The following EPB41L4A variants were observed in gnomAD, a reference collection of about 807,000 sequenced individuals.
EPB41L4A encodes the protein band 4.1-like protein 4A.
EPB41L4A carries 100 observed loss-of-function variants against 108.6 expected under a neutral mutation model. The ratio of observed to expected loss-of-function variants is 0.92; its 90% CI spans 0.78 to 1.09. EPB41L4A has a LOEUF of 1.09. EPB41L4A is among the 50% of genes least tolerant of loss of function. The probability of loss-of-function intolerance (pLI) is 0.00; values close to 1 mark genes in which losing one functional copy is unlikely to be tolerated. For synonymous variants in EPB41L4A, 319 were observed against 289.0 expected, an observed-to-expected ratio of 1.10 and a Z score of -1.05; for missense variants, 1,030 against 842.7, an observed-to-expected ratio of 1.22 and a Z score of -2.75.
At chr5:112,187,398 C>T (rs929866231) in intron 17 of EPB41L4A, among the ~76,000 whole-genome samples, 7 of 152,162 alleles carry the variant, frequency 4.6e-5, no homozygotes, top group African/African-American at 1.7e-4. Flanking sequence ...GAGAGGGTTG[C>T]TTTAGAATAC....
At chr5:112,259,791 G>T in intron 8 of EPB41L4A, 100 bp downstream of exon 8, 1 of 836,030 alleles carries the variant, frequency 1.2e-6, no homozygotes, top group Non-Finnish European at 2.0e-6. Context: ...ATCACCCACT[G>T]GAAATATACC....
At chr5:112,268,592 G>GT (rs1489779560) in intron 4 of EPB41L4A, among the ~76,000 whole-genome samples, 1 of 151,992 alleles carries the variant, frequency 6.6e-6, no homozygotes, top group Non-Finnish European at 1.5e-5. Context: ...GTTCACACCT[G>GT]TAACCCCAGT....
At chr5:112,266,640 G>A (rs900193356) in intron 4 of EPB41L4A, among the ~76,000 whole-genome samples, 1 of 152,172 alleles carries the variant, frequency 6.6e-6, no homozygotes, top group Non-Finnish European at 1.5e-5. Flanking sequence ...CTCCCCACCT[G>A]CAAAACTGGA....
At chr5:112,274,185 C>A (rs1030350159) in intron 4 of EPB41L4A, among the ~76,000 whole-genome samples, 1 of 151,822 alleles carries the variant, frequency 6.6e-6, no homozygotes, top group African/African-American at 2.4e-5. Context: ...GAGGCTGAGG[C>A]GGGAGGATTC....
intron 1 of EPB41L4A, among the ~76,000 whole-genome samples, chr5:112,381,285 T>C (rs1760161003): frequency 6.6e-6 from 1 of 152,242 alleles, no homozygotes; most frequent in Non-Finnish European, 1.5e-5. Context: ...CTGTGATAGA[T>C]CACTCTGTAA....
intron 1 of EPB41L4A, among the ~76,000 whole-genome samples, chr5:112,344,599 G>A (rs1454270827): frequency 6.6e-6 from 1 of 152,222 alleles, no homozygotes; most frequent in African/African-American, 2.4e-5. Flanking sequence ...CTGTTTACGA[G>A]ATTATCCTAG....
chr5:112,169,258 T>C (rs1416704632), intron 20 of EPB41L4A, among the ~76,000 whole-genome samples, 153 bp from the exon 21 acceptor site: 1 of 152,146 alleles, frequency 6.6e-6, no homozygotes, highest in South Asian at 2.1e-4. Flanking sequence ...GTGACTTAAA[T>C]TTCACAAGAA....
intron 19 of EPB41L4A, 144 bp from the exon 20 acceptor site, chr5:112,170,513 C>G: frequency 6.5e-6 from 4 of 613,692 alleles, no homozygotes; most frequent in East Asian, 2.9e-5. Context: ...AAAAACTAAA[C>G]GTGTTCAAGG....
At chr5:112,261,456 T>C (rs1307576379) in intron 7 of EPB41L4A, among the ~76,000 whole-genome samples, 3 of 152,224 alleles carry the variant, frequency 2.0e-5, no homozygotes, top group Non-Finnish European at 4.4e-5. Flanking sequence ...CTATAAAGAA[T>C]AAAGTACCTG....
rs117760550 is a variant in EPB41L4A at position 112,242,639 on chromosome 5, G to A, written c.796-1829C>T. Among the ~76,000 whole-genome samples the A allele has an allele frequency of 2.2e-3, 329 of 152,286 alleles. 17 individuals are homozygous for A. In the East Asian group the frequency reaches 0.06, roughly 28 times the overall value. On this transcript the variant is annotated intron_variant, in intron 9 of 22. Coordinates refer to ENST00000261486, the MANE Select transcript of EPB41L4A (RefSeq NM_022140.5). ...CATCCAGAATGGTGAATATTTTCCA[G>A]AAGTTTTTCACTTTGTTTGTCCAGA...
intron 1 of EPB41L4A, among the ~76,000 whole-genome samples, chr5:112,342,139 G>C (rs1757360418): frequency 6.6e-6 from 1 of 152,086 alleles, no homozygotes; most frequent in Non-Finnish European, 1.5e-5. Flanking sequence ...TTATAAAAAA[G>C]AAGTTAACAA....
intron 1 of EPB41L4A, among the ~76,000 whole-genome samples, chr5:112,386,188 T>C (rs1327518335): frequency 6.6e-6 from 1 of 152,204 alleles, no homozygotes; most frequent in Non-Finnish European, 1.5e-5. Flanking sequence ...CTGAGGGGCA[T>C]CATATGCTGA....
At chr5:112,357,464 T>C (rs755691626) in intron 1 of EPB41L4A, among the ~76,000 whole-genome samples, 15 of 152,216 alleles carry the variant, frequency 9.9e-5, no homozygotes, top group Middle Eastern at 3.2e-3. Context: ...CACCTACTCC[T>C]AGCATACAAC....
chr5:112,337,440 T>A (rs888882996), intron 1 of EPB41L4A, among the ~76,000 whole-genome samples: 1 of 152,210 alleles, frequency 6.6e-6, no homozygotes, highest in Non-Finnish European at 1.5e-5. Context: ...TAACATTTAT[T>A]GAACACTTAA....
chr5:112,298,580 G>C (rs1300998833), intron 2 of EPB41L4A, among the ~76,000 whole-genome samples: 3 of 152,092 alleles, frequency 2.0e-5, no homozygotes, highest in Admixed American at 1.3e-4. Flanking sequence ...TGTTGGATTT[G>C]GTTAGCGAGT....
At chr5:112,400,600 C>T (rs1761684272) in intron 1 of EPB41L4A, among the ~76,000 whole-genome samples, 1 of 152,100 alleles carries the variant, frequency 6.6e-6, no homozygotes, top group African/African-American at 2.4e-5. Flanking sequence ...CTTGCAAGAA[C>T]TCATTCACTA....
At position 112,209,511 on chromosome 5, in the gene EPB41L4A, A is replaced by T. The variant is rs1481025563; in HGVS notation, c.1178+381T>A. ...TCTTTCCAGGGCTACAGTTCAGTGC[A>T]CCACTATAATGAACACAGTACATTA... On this transcript the variant is annotated intron_variant, in intron 13 of 22. Transcript: ENST00000261486. Among the ~76,000 whole-genome samples the T allele has an allele frequency of 2.6e-5, 4 of 152,340 alleles. No individual in the cohort carries two copies. In the South Asian group the frequency reaches 8.3e-4, roughly 32 times the overall value.
chr5:112,356,866 T>A (rs1758392920), intron 1 of EPB41L4A, among the ~76,000 whole-genome samples: 1 of 152,158 alleles, frequency 6.6e-6, no homozygotes, highest in South Asian at 2.1e-4. Flanking sequence ...AAATATCACC[T>A]CCAAAGTGAC....
At chr5:112,400,648 C>G (rs1288729338) in intron 1 of EPB41L4A, among the ~76,000 whole-genome samples, 3 of 152,170 alleles carry the variant, frequency 2.0e-5, no homozygotes, top group Non-Finnish European at 1.5e-5. Context: ...GATCCAACCC[C>G]ATGACCCAAA....
Sources: allele counts gnomAD v4.1 joint callset (sites outside exome capture counted in the v4.1 genomes callset), GRCh38; gene constraint gnomAD v4.1.1; transcripts MANE v1.5; gene names NCBI Gene and HGNC (gene_info 2026-07-23, HGNC 2026-07-21).